The following FRMD3 variants were observed in gnomAD, a reference collection of about 807,000 sequenced individuals.
FRMD3 encodes FERM domain-containing protein 3.
In FRMD3, 33 loss-of-function variants were observed where a neutral mutation model predicts 70.2. The observed-to-expected ratio is 0.47, with a 90% CI of 0.36 to 0.63. FRMD3 has a LOEUF of 0.63. FRMD3 is among the 20% of genes least tolerant of loss of function. The probability of loss-of-function intolerance (pLI) is 0.00; values close to 1 mark genes in which losing one functional copy is unlikely to be tolerated. For missense variants in FRMD3, 632 were observed against 711.4 expected (o/e 0.89, Z 1.27); for synonymous variants, 279 against 255.9 (o/e 1.09, Z -0.86).
intron 1 of FRMD3, among the ~76,000 whole-genome samples, chr9:83,506,769 G>C (rs1564108692): frequency 6.6e-6 from 1 of 152,034 alleles, no homozygotes; most frequent in Non-Finnish European, 1.5e-5. Flanking sequence ...TACTTTATAA[G>C]CTTTTTAACT....
chr9:83,512,537 G>A lies in FRMD3; in HGVS notation c.147+25548C>T, dbSNP rs779531391. 1.8e-4 allele frequency among the ~76,000 whole-genome samples: 27 copies of A among 152,270 alleles called. 1 individual carries two copies. Among genetic ancestry groups the A allele is most frequent in the Admixed American group, 1.4e-3 (21 of 15,294 alleles). On this transcript the variant is annotated intron_variant, in intron 1 of 13. Coordinates refer to ENST00000304195, the MANE Select transcript of FRMD3 (RefSeq NM_174938.6). ...TTACTGGCTGATCCATCCACTGATC[G>A]CAGAACCTTTCTAAACCCATCTGCG...
rs539396863 is a variant in FRMD3, at chr9:83,489,015, T to TGTGCGC, written c.147+49069_147+49070insGCGCAC. Among the ~76,000 whole-genome samples the TGTGCGC allele has an allele frequency of 5.6e-4, 74 of 131,698 alleles. No individual in the cohort carries two copies. The South Asian group carries it at 0.014, about 25-fold the overall frequency. The allele number at this position is 131,698 out of a possible 152,430, so 86.4% of individuals were successfully genotyped here. ...GTGTGTGTGTGTGTGTGTGTGTGTG[T>TGTGCGC]GCTTGTGTGTGCGCACCTACACATG... On this transcript the variant is annotated intron_variant, in intron 1 of 13. Coordinates refer to ENST00000304195, the MANE Select transcript of FRMD3 (RefSeq NM_174938.6).
intron 10 of FRMD3, among the ~76,000 whole-genome samples, chr9:83,309,259 TACACACACACACACACAC>T (rs3029557): frequency 4.7e-4 from 65 of 138,380 alleles, no homozygotes; most frequent in Non-Finnish European, 9.1e-4. Context: ...CTATTTGAAA[TACACACACACACACACAC>T]ACACACACAC....
At chr9:83,552,596 G>C in the FRMD3 span, among the ~76,000 whole-genome samples, 2 of 152,128 alleles carry the variant, frequency 1.3e-5, no homozygotes, top group Admixed American at 1.3e-4. Flanking sequence ...TTTTGCGGGA[G>C]TCTCTGTATC....
chr9:83,493,438 C>T (rs1828873784), intron 1 of FRMD3, among the ~76,000 whole-genome samples: 1 of 152,200 alleles, frequency 6.6e-6, no homozygotes, highest in South Asian at 2.1e-4. Context: ...CCCTGCCATC[C>T]TTTACTCTCC....
chr9:83,346,461 T>C (rs1823968138), intron 4 of FRMD3, among the ~76,000 whole-genome samples: 1 of 152,134 alleles, frequency 6.6e-6, no homozygotes, highest in Admixed American at 6.6e-5. Context: ...ACACATTGCA[T>C]GCTTTGATTT....
chr9:83,343,316 C>T, intron 4 of FRMD3, 29 bp from the exon 5 acceptor site: 1 of 1,500,742 alleles, frequency 6.7e-7, no homozygotes, highest in Non-Finnish European at 9.3e-7. Flanking sequence ...AATGGTCACT[C>T]TAACTTTTGG....
the FRMD3 span, among the ~76,000 whole-genome samples, chr9:83,547,339 A>C: frequency 5.4e-5 from 8 of 148,946 alleles, no homozygotes; most frequent in Non-Finnish European, 8.9e-5. Context: ...ATATATAATT[A>C]TTATATAATC....
intron 3 of FRMD3, among the ~76,000 whole-genome samples, chr9:83,357,242 C>A (rs7043904): frequency 3.0e-4 from 4 of 13,258 alleles, no homozygotes; most frequent in African/African-American, 8.3e-4. Flanking sequence ...ATATATAATA[C>A]ATACATATAT....
intron 1 of FRMD3, among the ~76,000 whole-genome samples, chr9:83,520,274 C>G (rs958584381): frequency 6.6e-6 from 1 of 152,156 alleles, no homozygotes; most frequent in Non-Finnish European, 1.5e-5. Flanking sequence ...GATTAAAACT[C>G]TAAAATCCCT....
chr9:83,280,731 G>A (rs1833950604), intron 13 of FRMD3, among the ~76,000 whole-genome samples: 2 of 152,110 alleles, frequency 1.3e-5, no homozygotes, highest in Non-Finnish European at 2.9e-5. Flanking sequence ...ATCTGTCATT[G>A]TATATATGCA....
rs142272516 is a variant in FRMD3, at chr9:83,536,930, T to TAAAAAAAAAAAAAAAAAAAA, written c.147+1135_147+1154dup. Among the ~76,000 whole-genome samples the TAAAAAAAAAAAAAAAAAAAA allele has an allele frequency of 1.2e-3, 73 of 60,886 alleles. 5 individuals carry two copies. Among genetic ancestry groups the TAAAAAAAAAAAAAAAAAAAA allele is most frequent in the East Asian group, 4.1e-3 (8 of 1,938 alleles). 39.9% of individuals were successfully genotyped at this position (60,886 alleles called of 152,430 possible). ...ATGGGTGGTGTGCCCTGTATTACAC[T>TAAAAAAAAAAAAAAAAAAAA]AAAAAAAAAAAAAAAAAAAAAAAGC... is the stretch of plus-strand genomic sequence containing the variant. On this transcript the variant is annotated intron_variant, in intron 1 of 13. Transcript: ENST00000304195.
intron 1 of FRMD3, among the ~76,000 whole-genome samples, chr9:83,448,735 A>G (rs1827554097): frequency 6.6e-6 from 1 of 152,214 alleles, no homozygotes; most frequent in Non-Finnish European, 1.5e-5. Context: ...TTTCGCTAAG[A>G]TGATTTAAGC....
chr9:83,420,937 C>CTTTTTTTT (rs897070718), intron 1 of FRMD3, among the ~76,000 whole-genome samples: 21 of 107,708 alleles, frequency 1.9e-4, no homozygotes, highest in East Asian at 5.4e-4. Context: ...TTTCTTTCTT[C>CTTTTTTTT]TTTTTTTTTT....
chr9:83,251,163 G>A (rs1296665789), intron 13 of FRMD3, among the ~76,000 whole-genome samples: 2 of 152,184 alleles, frequency 1.3e-5, no homozygotes, highest in Non-Finnish European at 2.9e-5. Flanking sequence ...GGAAGAAGCT[G>A]GCTGCCATCT....
intron 4 of FRMD3, among the ~76,000 whole-genome samples, chr9:83,348,163 G>C (rs192674456): frequency 5.1e-4 from 78 of 152,184 alleles, no homozygotes; most frequent in Non-Finnish European, 9.6e-4. Flanking sequence ...TGAGGCATTA[G>C]GATTTGATTT....
intron 1 of FRMD3, among the ~76,000 whole-genome samples, chr9:83,421,064 C>G (rs1826625494): frequency 1.3e-5 from 2 of 151,274 alleles, no homozygotes; most frequent in Non-Finnish European, 2.9e-5. Context: ...CCTCAGCCTC[C>G]CGAGTAGCTG....
At chr9:83,477,933 AAGGCAGCAGACTCTCACCTCCTTAC>A (rs1828438361) in intron 1 of FRMD3, among the ~76,000 whole-genome samples, 1 of 152,194 alleles carries the variant, frequency 6.6e-6, no homozygotes, top group Non-Finnish European at 1.5e-5. Flanking sequence ...GGTTTGAAAA[AAGGCAGCAGACTCTCACCTCCTTAC>A]AGGAGTTCAT....
At chr9:83,583,336 CCTGCCAGCAGAGGGAGGGGTAGAA>C in the FRMD3 span, among the ~76,000 whole-genome samples, 1 of 152,292 alleles carries the variant, frequency 6.6e-6, no homozygotes, top group South Asian at 2.1e-4. Context: ...ATGTCCCATT[CCTGCCAGCAGAGGGAGGGGTAGAA>C]GCCCTTTCTA....
Sources: allele counts gnomAD v4.1 joint callset (sites outside exome capture counted in the v4.1 genomes callset), GRCh38; gene constraint gnomAD v4.1.1; transcripts MANE v1.5; gene names NCBI Gene and HGNC (gene_info 2026-07-23, HGNC 2026-07-21).